The following ERC2 variants were observed in gnomAD, a reference collection of about 807,000 sequenced individuals.
ERC2 encodes the protein ELKS/RAB6-interacting/CAST family member 2.
A neutral mutation model predicts 114.8 loss-of-function variants in ERC2; 42 were observed. That is an observed-to-expected ratio of 0.37 (90% CI 0.29 to 0.47). The LOEUF is 0.47. ERC2 is among the 20% of genes least tolerant of loss of function. The pLI is 0.99. For missense variants in ERC2, 939 were observed against 1,150.7 expected (o/e 0.82, Z 2.66); for synonymous variants, 454 against 425.5 (o/e 1.07, Z -0.82).
intron 17 of ERC2, among the ~76,000 whole-genome samples, chr3:55,596,043 C>T (rs2058111215): frequency 1.3e-5 from 2 of 152,044 alleles, no homozygotes; most frequent in Non-Finnish European, 2.9e-5. Context: ...TGAGTTCTTG[C>T]CAAATTGTGC....
At chr3:56,443,447 C>T (rs905847184) in intron 1 of ERC2, among the ~76,000 whole-genome samples, 4 of 152,136 alleles carry the variant, frequency 2.6e-5, no homozygotes, top group Non-Finnish European at 5.9e-5. Flanking sequence ...ATTTCACCCC[C>T]GGCTGCAGCA....
chr3:56,429,854 G>A (rs2107321439), intron 2 of ERC2, among the ~76,000 whole-genome samples: 1 of 152,244 alleles, frequency 6.6e-6, no homozygotes, highest in Admixed American at 6.5e-5. Context: ...TGCACTCCCT[G>A]TAACACAGAG....
At chr3:55,792,801 G>T (rs1418564628) in intron 14 of ERC2, among the ~76,000 whole-genome samples, 2 of 152,172 alleles carry the variant, frequency 1.3e-5, no homozygotes, top group African/African-American at 4.8e-5. Context: ...CACAAATGAG[G>T]CTCTATTCCA....
intron 10 of ERC2, among the ~76,000 whole-genome samples, chr3:56,001,876 T>G (rs1272383397): frequency 6.6e-6 from 1 of 152,112 alleles, no homozygotes; most frequent in African/African-American, 2.4e-5. Flanking sequence ...TTTAAACAAC[T>G]TTTTTTAAAC....
At chr3:56,272,040 C>G (rs1037507813) in intron 3 of ERC2, among the ~76,000 whole-genome samples, 1 of 152,104 alleles carries the variant, frequency 6.6e-6, no homozygotes, top group Non-Finnish European at 1.5e-5. Flanking sequence ...TTAGTTTTAG[C>G]ACATTATTTG....
chr3:56,329,035 A>G (rs928572142), intron 2 of ERC2, among the ~76,000 whole-genome samples: 1 of 152,200 alleles, frequency 6.6e-6, no homozygotes, highest in Non-Finnish European at 1.5e-5. Flanking sequence ...TGAAGCTTAG[A>G]TATTTCTCTA....
chr3:56,162,363 G>A (rs1390721435), intron 4 of ERC2, among the ~76,000 whole-genome samples: 1 of 152,064 alleles, frequency 6.6e-6, no homozygotes, highest in Non-Finnish European at 1.5e-5. Context: ...TCTTTGCCAG[G>A]TTTTGGTATC....
intron 16 of ERC2, among the ~76,000 whole-genome samples, chr3:55,693,037 A>C (rs1489405873): frequency 6.6e-6 from 1 of 152,264 alleles, no homozygotes; most frequent in Non-Finnish European, 1.5e-5. Context: ...AAATATGTCC[A>C]ATGGTACAAA....
chr3:55,903,437 T>C (rs2149349124), intron 13 of ERC2, among the ~76,000 whole-genome samples: 1 of 152,364 alleles, frequency 6.6e-6, no homozygotes, highest in Non-Finnish European at 1.5e-5. Flanking sequence ...AAGGATCTGA[T>C]TGCTTCAGCT....
At chr3:56,366,988 T>G (rs751679460) in intron 2 of ERC2, among the ~76,000 whole-genome samples, 8 of 152,154 alleles carry the variant, frequency 5.3e-5, no homozygotes, top group Non-Finnish European at 8.8e-5. Context: ...ACTTGTGAGG[T>G]GGGGGCTCTG....
chr3:55,965,414 T>C (rs1424802286), intron 12 of ERC2, among the ~76,000 whole-genome samples: 1 of 152,270 alleles, frequency 6.6e-6, no homozygotes, highest in African/African-American at 2.4e-5. Flanking sequence ...GGCTAATGGC[T>C]GCCCTATTGG....
At chr3:56,003,938 C>A (rs9809692) in intron 10 of ERC2, among the ~76,000 whole-genome samples, 6,082 of 152,020 alleles carry the variant, frequency 0.04, 260 homozygotes, top group African/African-American at 0.11. Context: ...AATACCTGCA[C>A]TATTTATCTG....
intron 12 of ERC2, among the ~76,000 whole-genome samples, chr3:55,956,342 C>T (rs762930741): frequency 6.6e-6 from 1 of 152,040 alleles, no homozygotes; most frequent in Non-Finnish European, 1.5e-5. Flanking sequence ...AATGACTGCT[C>T]AAGTAGATGG....
In ERC2 at chr3:56,019,046, C is replaced by T. The variant is rs929816722; in HGVS notation, c.1642-15G>A. 1 of 1,587,994 alleles carries T rather than the reference C, an allele frequency of 6.3e-7. No homozygotes were observed. Among genetic ancestry groups the T allele is most frequent in the Non-Finnish European group, 8.6e-7 (1 of 1,165,860 alleles). Reference sequence around the variant, plus strand: ...AAGTTTTCAATCTAAAAATAAAAATCAATATTTTAATGCATATTTGATTAC... The same window carrying T: ...AAGTTTTCAATCTAAAAATAAAAATTAATATTTTAATGCATATTTGATTAC... On this transcript the variant is annotated splice_polypyrimidine_tract_variant and intron_variant, in intron 7 of 17. Transcript: ENST00000288221.
At chr3:56,050,634 T>C (rs2075719359) in intron 7 of ERC2, among the ~76,000 whole-genome samples, 1 of 152,198 alleles carries the variant, frequency 6.6e-6, no homozygotes, top group Non-Finnish European at 1.5e-5. Flanking sequence ...TTCTCTGAAA[T>C]GCTACATCCT....
intron 16 of ERC2, among the ~76,000 whole-genome samples, chr3:55,696,297 A>AGAG (rs1028261416): frequency 1.3e-4 from 20 of 152,354 alleles, no homozygotes; most frequent in Admixed American, 9.8e-4. Flanking sequence ...ATAAAGTTCA[A>AGAG]GAGGCAATAT....
At chr3:56,447,514 A>G (rs1046473968) in intron 1 of ERC2, among the ~76,000 whole-genome samples, 1 of 152,210 alleles carries the variant, frequency 6.6e-6, no homozygotes. Flanking sequence ...CATGGGTTCC[A>G]GCATTTTGGA....
At chr3:56,202,522 A>G (rs1255692915) in intron 3 of ERC2, among the ~76,000 whole-genome samples, 1 of 117,334 alleles carries the variant, frequency 8.5e-6, no homozygotes, top group Admixed American at 9.1e-5. Context: ...TTGCTTATTT[A>G]TAGATGTATT....
intron 14 of ERC2, among the ~76,000 whole-genome samples, chr3:55,841,456 G>A (rs1488189604): frequency 6.6e-6 from 1 of 152,170 alleles, no homozygotes; most frequent in African/African-American, 2.4e-5. Context: ...CAGCCATGTA[G>A]AACTGTGAGT....
Sources: gnomAD v4.1 joint callset for allele counts (sites outside exome capture counted in the v4.1 genomes callset) on GRCh38, gnomAD v4.1.1 for gene constraint, MANE v1.5 for transcripts, NCBI Gene and HGNC (gene_info 2026-07-23, HGNC 2026-07-21) for gene names.